STARD13: variants seen among roughly 807,000 people sequenced by gnomAD.
STARD13 encodes stAR-related lipid transfer protein 13.
In STARD13, 62 loss-of-function variants were observed where a neutral mutation model predicts 106.4. The observed-to-expected ratio is 0.58, with a 90% CI of 0.48 to 0.72. The LOEUF (loss-of-function observed/expected upper bound fraction) is 0.72, where lower values mean the gene tolerates loss of function less well. STARD13 is among the 30% of genes least tolerant of loss of function. STARD13 has a pLI of 0.00. For missense variants in STARD13, 1,387 were observed against 1,424.0 expected (o/e 0.97, Z 0.42); for synonymous variants, 565 against 553.0 (o/e 1.02, Z -0.31).
At chr13:33,232,744 G>A (rs1240921575) in intron 1 of STARD13, among the ~76,000 whole-genome samples, 1 of 152,148 alleles carries the variant, frequency 6.6e-6, no homozygotes, top group Non-Finnish European at 1.5e-5. Context: ...TCTATTCTGA[G>A]TGCCTTCCTC....
the STARD13 span, among the ~76,000 whole-genome samples, chr13:33,542,254 A>T: frequency 1.3e-5 from 2 of 152,286 alleles, no homozygotes; most frequent in East Asian, 1.9e-4. Context: ...CGGTTCACTA[A>T]GATTTAGAGG....
At chr13:33,377,142 C>A in the STARD13 span, among the ~76,000 whole-genome samples, 1 of 152,032 alleles carries the variant, frequency 6.6e-6, no homozygotes, top group Admixed American at 6.6e-5. Flanking sequence ...GTTATTGCTC[C>A]TAGAGGCTTG....
rs568492370 is a variant in STARD13 at position 33,241,571 on chromosome 13, C to G, written c.169+43899G>C. On this transcript the variant is annotated intron_variant, in intron 1 of 13. Transcript: ENST00000336934. ...TCCCCCTCCCCCTCTCCCCTTTGCA[C>G]GGTCTCCCTCTGATGCCGAGCCGAG... Among the ~76,000 whole-genome samples, 64 of 144,134 alleles carry G rather than the reference C, an allele frequency of 4.4e-4. No homozygotes were observed. In the East Asian group the frequency reaches 0.013, roughly 28 times the overall value. 94.6% of individuals were successfully genotyped at this position (144,134 alleles called of 152,430 possible). A position where few individuals can be genotyped will look rare whatever the true frequency, so the allele number is the denominator to read the frequency against.
At chr13:33,133,620 C>A (rs1878633311) in intron 4 of STARD13, among the ~76,000 whole-genome samples, 1 of 147,104 alleles carries the variant, frequency 6.8e-6, no homozygotes, top group African/African-American at 2.5e-5. Context: ...TTTTCCATCA[C>A]AACTCAGGGC....
At chr13:33,560,099 T>C in the STARD13 span, among the ~76,000 whole-genome samples, 1 of 151,512 alleles carries the variant, frequency 6.6e-6, no homozygotes, top group Admixed American at 6.6e-5. Flanking sequence ...GAGCTTAATA[T>C]GAAATAAAAA....
At chr13:33,244,422 G>C (rs1288424428) in intron 1 of STARD13, among the ~76,000 whole-genome samples, 1 of 151,962 alleles carries the variant, frequency 6.6e-6, no homozygotes, top group Non-Finnish European at 1.5e-5. Flanking sequence ...CACCCCACCA[G>C]TCCTCTAGCA....
the STARD13 span, among the ~76,000 whole-genome samples, chr13:33,629,470 GAT>G: frequency 1.3e-5 from 2 of 152,202 alleles, no homozygotes; most frequent in Non-Finnish European, 2.9e-5. Flanking sequence ...GAGATTTCTA[GAT>G]AGAGCCAAAT....
At chr13:33,535,135 A>G in the STARD13 span, among the ~76,000 whole-genome samples, 1 of 152,122 alleles carries the variant, frequency 6.6e-6, no homozygotes, top group East Asian at 1.9e-4. Context: ...AAATCGCTTG[A>G]ACCCAGGAGA....
the STARD13 span, among the ~76,000 whole-genome samples, chr13:33,469,403 C>T: frequency 2.6e-5 from 4 of 152,076 alleles, no homozygotes; most frequent in African/African-American, 2.4e-5. Flanking sequence ...CCTTTAGATT[C>T]GCTTGAGAGA....
At chr13:33,245,556 T>C (rs1297033090) in intron 1 of STARD13, among the ~76,000 whole-genome samples, 1 of 152,190 alleles carries the variant, frequency 6.6e-6, no homozygotes, top group African/African-American at 2.4e-5. Flanking sequence ...AATAAACTAA[T>C]GCCCTTGAGC....
At chr13:33,277,160 G>C (rs1891487359) in intron 1 of STARD13, 1 of 152,218 alleles carries the variant, frequency 6.6e-6, no homozygotes, top group East Asian at 1.9e-4. Context: ...CCATGGTCTT[G>C]AGTGACTTCA....
intron 1 of STARD13, among the ~76,000 whole-genome samples, chr13:33,190,211 T>A (rs1886141685): frequency 6.6e-6 from 1 of 152,012 alleles, no homozygotes; most frequent in East Asian, 1.9e-4. Context: ...GGAAGGCCAA[T>A]GAGGAAGGGT....
At chr13:33,453,914 A>C in the STARD13 span, among the ~76,000 whole-genome samples, 1 of 152,250 alleles carries the variant, frequency 6.6e-6, no homozygotes, top group East Asian at 1.9e-4. Context: ...GGTACATAGC[A>C]GAAAGAAAAG....
chr13:33,368,917 A>T, the STARD13 span, among the ~76,000 whole-genome samples: 2 of 152,012 alleles, frequency 1.3e-5, no homozygotes, highest in Non-Finnish European at 2.9e-5. Context: ...CAACACATTT[A>T]TATCCCCTAC....
chr13:33,418,954 C>A, the STARD13 span, among the ~76,000 whole-genome samples: 1 of 152,172 alleles, frequency 6.6e-6, no homozygotes, highest in Non-Finnish European at 1.5e-5. Context: ...AAAACCCCAC[C>A]TGTAGGTCAC....
intron 2 of STARD13, among the ~76,000 whole-genome samples, chr13:33,167,301 G>A (rs1883434816): frequency 6.6e-6 from 1 of 152,188 alleles, no homozygotes; most frequent in Non-Finnish European, 1.5e-5. Context: ...AAAACGTCGA[G>A]TTGGGGTTTG....
Position 33,186,095 on chromosome 13 carries a change from G to A in STARD13, c.170-18473C>T, listed in dbSNP as rs181739816. 1.1e-5 allele frequency: 17 copies of A among 1,574,486 alleles called. No homozygotes were observed. In the East Asian group the frequency reaches 3.4e-4, roughly 32 times the overall value. On this transcript the variant is annotated intron_variant, in intron 1 of 13. Coordinates refer to ENST00000336934, the MANE Select transcript of STARD13 (RefSeq NM_178006.4). Reference sequence around the variant, plus strand: ...CATGTTTCCGGTTGCTAACAGTGGAGAGGAACCTCACTGCTCCCCAGTGAC... The same window carrying A: ...CATGTTTCCGGTTGCTAACAGTGGAAAGGAACCTCACTGCTCCCCAGTGAC...
At position 33,165,319 on chromosome 13, in the gene STARD13, A is replaced by G. The variant is rs754271037; in HGVS notation, c.323+18T>C. 5.0e-6 allele frequency: 8 copies of G among 1,594,466 alleles called. No individual in the cohort carries two copies. In the East Asian group the frequency reaches 1.6e-4, roughly 31 times the overall value. Reference sequence around the variant, plus strand: ...GACTGAACAGTGGAAAGAAACAAAAATACTTCACATGGTTTACCTGCAAAG... The same window carrying G: ...GACTGAACAGTGGAAAGAAACAAAAGTACTTCACATGGTTTACCTGCAAAG... On this transcript the variant is annotated intron_variant, in intron 3 of 13. Coordinates refer to ENST00000336934, the MANE Select transcript of STARD13 (RefSeq NM_178006.4).
chr13:33,430,246 ATTTG>A, the STARD13 span, among the ~76,000 whole-genome samples: 1 of 152,162 alleles, frequency 6.6e-6, no homozygotes, highest in Non-Finnish European at 1.5e-5. Flanking sequence ...ATGAAAAGTA[ATTTG>A]TTTGTAACTC....
Sources: gnomAD v4.1 joint callset for allele counts (sites outside exome capture counted in the v4.1 genomes callset) on GRCh38, gnomAD v4.1.1 for gene constraint, MANE v1.5 for transcripts, NCBI Gene and HGNC (gene_info 2026-07-23, HGNC 2026-07-21) for gene names.